ZNF610: variants seen among roughly 807,000 people sequenced by gnomAD.
ZNF610 encodes zinc finger protein 610, also known as zink finger protein.
ZNF610 carries 14 observed loss-of-function variants against 14.1 expected under a neutral mutation model. The ratio of observed to expected loss-of-function variants is 0.99; its 90% CI spans 0.65 to 1.55. The LOEUF (loss-of-function observed/expected upper bound fraction) is 1.55, where lower values mean the gene tolerates loss of function less well. Among genes scored for constraint, ZNF610 ranks in the 40% most tolerant of loss-of-function variants. ZNF610 has a pLI of 0.00. For missense variants in ZNF610, 530 were observed against 558.0 expected (o/e 0.95, Z 0.51); for synonymous variants, 185 against 187.6 (o/e 0.99, Z 0.11).
chr19:52,342,805 G>A (rs1459625820), intron 1 of ZNF610, among the ~76,000 whole-genome samples: 5 of 152,098 alleles, frequency 3.3e-5, no homozygotes, highest in Non-Finnish European at 5.9e-5. Context: ...GATTACAGGC[G>A]TGAGCCACCG....
intron 3 of ZNF610, among the ~76,000 whole-genome samples, chr19:52,350,016 TTC>T (rs1006503802): frequency 2.0e-5 from 3 of 152,202 alleles, no homozygotes; most frequent in Non-Finnish European, 2.9e-5. Context: ...AGAGAGGACA[TTC>T]TCTCTTCTTT....
upstream of ZNF610, among the ~76,000 whole-genome samples, chr19:52,332,085 G>A (rs1379332545): frequency 6.6e-6 from 1 of 152,238 alleles, no homozygotes; most frequent in African/African-American, 2.4e-5. The surrounding 1 kb of genome is among the most constrained non-coding windows in gnomAD (Gnocchi z 4.1). Context: ...GAGTCTGCCG[G>A]CAGCGGATAT....
chr19:52,344,668 G>A (rs1468535247), intron 1 of ZNF610, among the ~76,000 whole-genome samples: 2 of 152,208 alleles, frequency 1.3e-5, no homozygotes, highest in African/African-American at 4.8e-5. Context: ...GATTTCTGTG[G>A]TTCCAGATCC....
At chr19:52,345,233 T>C (rs776150749) in intron 1 of ZNF610, 1 of 152,206 alleles carries the variant, frequency 6.6e-6, no homozygotes, top group Non-Finnish European at 1.5e-5. Flanking sequence ...TAAAGTTGCA[T>C]AGTACAGCCA....
At chr19:52,341,712 G>A (rs924666981) in intron 1 of ZNF610, among the ~76,000 whole-genome samples, 2 of 152,036 alleles carry the variant, frequency 1.3e-5, no homozygotes, top group African/African-American at 2.4e-5. Context: ...CTGTAACCTC[G>A]AACTCCTAGG....
At chr19:52,333,483 A>C (rs1200329870), upstream of ZNF610, among the ~76,000 whole-genome samples, 3 of 152,194 alleles carry the variant, frequency 2.0e-5, no homozygotes, top group Non-Finnish European at 4.4e-5. Context: ...GCAAAATTTC[A>C]TGTGTTACGT....
At chr19:52,341,819 T>A (rs1245343791) in intron 1 of ZNF610, among the ~76,000 whole-genome samples, 1 of 151,760 alleles carries the variant, frequency 6.6e-6, no homozygotes, top group African/African-American at 2.4e-5. Flanking sequence ...ACTTATTTAT[T>A]TATTTTTGAG....
chr19:52,331,101 G>A, the ZNF610 span, among the ~76,000 whole-genome samples: 1 of 152,134 alleles, frequency 6.6e-6, no homozygotes, highest in Non-Finnish European at 1.5e-5. Context: ...ATACAATATG[G>A]CAGGGAGAGA....
chr19:52,348,940 G>A (rs1376248751), intron 2 of ZNF610, among the ~76,000 whole-genome samples: 3 of 152,098 alleles, frequency 2.0e-5, no homozygotes, highest in Admixed American at 1.3e-4. Flanking sequence ...GCGTGTGTGC[G>A]GGCTTCTCCA....
rs142954851 is a variant in ZNF610 at position 52,362,360 on chromosome 19, G to A, written c.320-3338G>A. Among the ~76,000 whole-genome samples the A allele has an allele frequency of 1.0e-3, 157 of 152,292 alleles. 1 individual carries two copies. The highest frequency in any genetic ancestry group is 3.4e-3 in the African/African-American group (141 of 41,564). On this transcript the variant is annotated intron_variant, in intron 5 of 5. Transcript: ENST00000403906. ...TGGGAGGCGGAGGTTGCAGTGAGCC[G>A]AGATCGCACCACTGCACTCCAGCCT...
chr19:52,360,374 GT>G (rs1386046344), intron 5 of ZNF610, among the ~76,000 whole-genome samples: 1 of 145,596 alleles, frequency 6.9e-6, no homozygotes, highest in Non-Finnish European at 1.6e-5. Context: ...AAATATATAT[GT>G]AATACCATAA....
chr19:52,340,872 G>A (rs1368778380), intron 1 of ZNF610, among the ~76,000 whole-genome samples: 1 of 151,918 alleles, frequency 6.6e-6, no homozygotes, highest in Non-Finnish European at 1.5e-5. Context: ...GTAGAGACGG[G>A]GTTTCACCAT....
intron 1 of ZNF610, among the ~76,000 whole-genome samples, chr19:52,342,046 C>T (rs1456690358): frequency 6.6e-6 from 1 of 151,904 alleles, no homozygotes; most frequent in African/African-American, 2.4e-5. Context: ...TGGCCTCAAG[C>T]GATTCTCCCA....
chr19:52,357,008 C>T (rs535256863), intron 5 of ZNF610, among the ~76,000 whole-genome samples: 83 of 151,450 alleles, frequency 5.5e-4, no homozygotes, highest in Admixed American at 3.5e-3. Flanking sequence ...ACCTGGAGAG[C>T]GTGTCACATG....
At position 52,354,325 on chromosome 19, in the gene ZNF610, G is replaced by A. The variant is rs773275889; in HGVS notation, c.265G>A (p.Val89Ile). 49 of 1,614,024 alleles carry A rather than the reference G, an allele frequency of 3.0e-5. No individual in the cohort carries two copies. The highest frequency in any genetic ancestry group is 4.0e-5 in the Non-Finnish European group (47 of 1,180,022). Residue 89 changes from valine (V) to isoleucine (I), a missense_variant, in exon 5 of 6, where the codon GTT (valine) becomes ATT (isoleucine). Val to Ile is a conservative substitution (Grantham distance 29, BLOSUM62 3). Transcript: ENST00000403906. ...RREPLILQSQ[V>I]KIVKNTDGRE... ...AGAGCCCTTGATTCTGCAAAGTCAA[G>A]TTAAAATAGTAAAAAATACAGATGG... is the stretch of plus-strand genomic sequence containing the variant.
upstream of ZNF610, among the ~76,000 whole-genome samples, chr19:52,333,596 G>A (rs996070278): frequency 6.6e-6 from 1 of 152,136 alleles, no homozygotes; most frequent in African/African-American, 2.4e-5. Context: ...TATCCCTGAC[G>A]TAGCTTTCCA....
At chr19:52,337,937 G>A (rs1251501084) in intron 1 of ZNF610, among the ~76,000 whole-genome samples, 1 of 152,146 alleles carries the variant, frequency 6.6e-6, no homozygotes, top group East Asian at 1.9e-4. Flanking sequence ...AAAAACCAAA[G>A]CGTTTTTCCT....
At position 52,345,744 on chromosome 19, in the gene ZNF610, G is replaced by A. The variant is rs562171486; in HGVS notation, c.-257-1963G>A. ...TTTGGAGATGGAGTCTCGCTCTGTC[G>A]CCCAGGCTGGAGTGCAGTGGGGTGA... On this transcript the variant is annotated intron_variant, in intron 1 of 5. Coordinates refer to ENST00000403906, the MANE Select transcript of ZNF610 (RefSeq NM_001161425.2). Among the ~76,000 whole-genome samples the A allele has an allele frequency of 3.2e-4, 49 of 150,998 alleles. No homozygotes were observed. The East Asian group carries it at 4.3e-3, about 13-fold the overall frequency.
chr19:52,342,746 T>C (rs1267785421), intron 1 of ZNF610, among the ~76,000 whole-genome samples: 5 of 151,978 alleles, frequency 3.3e-5, no homozygotes, highest in East Asian at 3.9e-4. Context: ...AGGCTGGTCT[T>C]GAACTCCTGA....
Sources: gnomAD v4.1 joint callset for allele counts (sites outside exome capture counted in the v4.1 genomes callset) on GRCh38, gnomAD v4.1.1 for gene constraint, Gnocchi (gnomAD v3.1) non-coding constraint, MANE v1.5 for transcripts, NCBI Gene and HGNC (gene_info 2026-07-23, HGNC 2026-07-21) for gene names.